Variants in ZFAT observed in about 807,000 individuals in gnomAD.
ZFAT encodes the protein zinc finger protein ZFAT.
ZFAT carries 64 observed loss-of-function variants against 117.7 expected under a neutral mutation model. The observed-to-expected ratio is 0.54, with a 90% CI of 0.44 to 0.67. ZFAT has a LOEUF of 0.67. Among genes scored for constraint, ZFAT ranks in the 30% least tolerant of loss-of-function variants. The probability of loss-of-function intolerance (pLI) is 0.00; values close to 1 mark genes in which losing one functional copy is unlikely to be tolerated. For synonymous variants in ZFAT, 679 were observed against 615.0 expected, an observed-to-expected ratio of 1.10 and a Z score of -1.54; for missense variants, 1,433 against 1,584.5, an observed-to-expected ratio of 0.90 and a Z score of 1.62.
At chr8:134,735,086 A>G in the ZFAT span, among the ~76,000 whole-genome samples, 2 of 152,184 alleles carry the variant, frequency 1.3e-5, no homozygotes, top group African/African-American at 4.8e-5. Context: ...GTGTGCCTTC[A>G]CAGGCCAATG....
intron 3 of ZFAT, among the ~76,000 whole-genome samples, chr8:134,622,206 G>C (rs530698907): frequency 1.3e-5 from 2 of 152,218 alleles, no homozygotes; most frequent in Non-Finnish European, 2.9e-5. Context: ...AGCTGCGACA[G>C]AGCCCCTTTC....
the ZFAT span, among the ~76,000 whole-genome samples, chr8:134,790,527 C>A: frequency 6.6e-5 from 10 of 152,120 alleles, no homozygotes; most frequent in African/African-American, 2.4e-4. Context: ...GTCCCCCACG[C>A]CTCAAAAACT....
At position 134,537,815 on chromosome 8, in the gene ZFAT, G is replaced by T. The variant is rs544538869; in HGVS notation, c.2977-4843C>A. Among the ~76,000 whole-genome samples, 3 of 152,334 alleles carry T rather than the reference G, an allele frequency of 2.0e-5. No individual in the cohort carries two copies. In the South Asian group the frequency reaches 6.2e-4, roughly 32 times the overall value. On this transcript the variant is annotated intron_variant, in intron 11 of 15. Transcript: ENST00000377838. ...TATGGGAAAAGAAGAGAACATTTAA[G>T]AGAGGTGAAGAAGGTAAAACCAGTC...
chr8:134,631,665 G>A (rs1340883534), intron 3 of ZFAT, among the ~76,000 whole-genome samples: 1 of 152,168 alleles, frequency 6.6e-6, no homozygotes, highest in Non-Finnish European at 1.5e-5. Flanking sequence ...ACAATTGAGG[G>A]ACAGGGTGCC....
chr8:134,775,040 C>G, the ZFAT span, among the ~76,000 whole-genome samples: 139 of 152,342 alleles, frequency 9.1e-4, no homozygotes, highest in Non-Finnish European at 1.5e-3. Context: ...ATCGCTTGAA[C>G]CCAGGAAGCA....
chr8:134,501,895 G>C (rs1586595561), intron 15 of ZFAT, among the ~76,000 whole-genome samples: 1 of 152,286 alleles, frequency 6.6e-6, no homozygotes, highest in Middle Eastern at 3.4e-3. Context: ...TTTGTGGCTA[G>C]GATTAGAGAA....
chr8:134,805,266 G>C, the ZFAT span, among the ~76,000 whole-genome samples: 148 of 130,896 alleles, frequency 1.1e-3, no homozygotes, highest in Non-Finnish European at 1.5e-3. Flanking sequence ...TCTCCCTAGA[G>C]TTTCAAAATA....
At chr8:134,831,946 C>G in the ZFAT span, among the ~76,000 whole-genome samples, 252 of 151,592 alleles carry the variant, frequency 1.7e-3, no homozygotes, top group Middle Eastern at 3.4e-3. Flanking sequence ...GTGTCCTCTC[C>G]GCTCCGGACG....
At chr8:134,716,694 T>C (rs1043429069), upstream of ZFAT, among the ~76,000 whole-genome samples, 1 of 152,216 alleles carries the variant, frequency 6.6e-6, no homozygotes, top group Non-Finnish European at 1.5e-5. Flanking sequence ...ACAACAACTG[T>C]AGATCTATGG....
At chr8:134,645,315 T>A (rs1183008453) in intron 2 of ZFAT, among the ~76,000 whole-genome samples, 1 of 152,202 alleles carries the variant, frequency 6.6e-6, no homozygotes, top group African/African-American at 2.4e-5. Context: ...AGAGAGAAAC[T>A]AAGCCTCTAC....
At chr8:134,730,325 C>T in the ZFAT span, among the ~76,000 whole-genome samples, 2 of 152,244 alleles carry the variant, frequency 1.3e-5, no homozygotes, top group Non-Finnish European at 2.9e-5. Context: ...CTCGACATCT[C>T]CCATGACTCT....
chr8:134,826,410 A>C, the ZFAT span, among the ~76,000 whole-genome samples: 1 of 152,256 alleles, frequency 6.6e-6, no homozygotes, highest in Non-Finnish European at 1.5e-5. Flanking sequence ...CCTACTTAAA[A>C]GTAGTTCCAC....
chr8:134,677,277 A>C (rs1278459735), intron 1 of ZFAT, among the ~76,000 whole-genome samples: 8 of 152,250 alleles, frequency 5.3e-5, no homozygotes, highest in Admixed American at 5.2e-4. Context: ...TACCAATCCC[A>C]CAGAAATACA....
the ZFAT span, among the ~76,000 whole-genome samples, chr8:134,720,411 T>C: frequency 2.6e-5 from 4 of 152,218 alleles, no homozygotes; most frequent in African/African-American, 9.6e-5. Context: ...GGGAAGGATG[T>C]AGTCTTAAGC....
intron 1 of ZFAT, among the ~76,000 whole-genome samples, chr8:134,711,695 C>T (rs1363093053): frequency 6.6e-6 from 1 of 152,222 alleles, no homozygotes; most frequent in Non-Finnish European, 1.5e-5. Context: ...ATATTCGGCT[C>T]TGGGCCCACT....
chr8:134,620,362 C>A (rs1349085911), intron 3 of ZFAT, among the ~76,000 whole-genome samples: 2 of 152,220 alleles, frequency 1.3e-5, no homozygotes, highest in African/African-American at 4.8e-5. Context: ...AGATGAACGG[C>A]CCCACTCCAG....
intron 10 of ZFAT, among the ~76,000 whole-genome samples, chr8:134,573,141 G>A (rs752409695): frequency 2.0e-5 from 3 of 152,180 alleles, no homozygotes; most frequent in Non-Finnish European, 4.4e-5. Context: ...CAAGAGGCTG[G>A]CAGTGTGCTG....
chr8:134,488,345 C>T (rs1204446294), intron 15 of ZFAT, among the ~76,000 whole-genome samples: 1 of 152,194 alleles, frequency 6.6e-6, no homozygotes, highest in Non-Finnish European at 1.5e-5. Flanking sequence ...GTGTGAAAGG[C>T]CAGTGCTTGT....
chr8:134,493,638 C>T (rs1045603550), intron 15 of ZFAT, among the ~76,000 whole-genome samples: 5 of 152,222 alleles, frequency 3.3e-5, no homozygotes, highest in South Asian at 2.1e-4. Flanking sequence ...GAAGAGACGG[C>T]GGGGCAGGGG....
Sources: gnomAD v4.1 joint callset for allele counts (sites outside exome capture counted in the v4.1 genomes callset) on GRCh38, gnomAD v4.1.1 for gene constraint, MANE v1.5 for transcripts, NCBI Gene and HGNC (gene_info 2026-07-23, HGNC 2026-07-21) for gene names.